The following ZNF385D variants were observed in gnomAD, a reference collection of about 807,000 sequenced individuals.
ZNF385D encodes zinc finger protein 659.
In ZNF385D, 15 loss-of-function variants were observed where a neutral mutation model predicts 35.8. That is an observed-to-expected ratio of 0.42 (90% CI 0.28 to 0.64). ZNF385D has a LOEUF of 0.64. Among genes scored for constraint, ZNF385D ranks in the 30% least tolerant of loss-of-function variants. ZNF385D has a pLI of 0.23. For missense variants in ZNF385D, 474 were observed against 494.6 expected (o/e 0.96, Z 0.39); for synonymous variants, 212 against 186.8 (o/e 1.13, Z -1.10).
At chr3:22,338,668 AGTT>A (rs991181573) in intron 2 of ZNF385D, among the ~76,000 whole-genome samples, 2 of 151,564 alleles carry the variant, frequency 1.3e-5, no homozygotes, top group African/African-American at 4.9e-5. Flanking sequence ...AAAAAAGTAA[AGTT>A]AATGTGCAGC....
intron 2 of ZNF385D, among the ~76,000 whole-genome samples, chr3:22,309,536 A>G (rs974907027): frequency 6.6e-6 from 1 of 152,092 alleles, no homozygotes; most frequent in African/African-American, 2.4e-5. Context: ...CTATTTAAAT[A>G]TATAAGAAAA....
chr3:22,331,470 A>G (rs1285915952), intron 2 of ZNF385D, among the ~76,000 whole-genome samples: 1 of 152,208 alleles, frequency 6.6e-6, no homozygotes, highest in Admixed American at 6.5e-5. Flanking sequence ...TGACCATAAC[A>G]TTAATGAAAA....
chr3:21,717,072 G>T (rs575573081), intron 1 of ZNF385D, among the ~76,000 whole-genome samples: 1 of 152,192 alleles, frequency 6.6e-6, no homozygotes, highest in African/African-American at 2.4e-5. Context: ...GGTGGAGGTT[G>T]CAGAGAGCCA....
intron 2 of ZNF385D, among the ~76,000 whole-genome samples, chr3:21,620,790 G>T (rs2064982925): frequency 1.3e-5 from 2 of 152,094 alleles, no homozygotes; most frequent in African/African-American, 4.8e-5. Context: ...TTCAGTAAGA[G>T]GCATTTTCCA....
chr3:21,726,863 A>G (rs781291199), intron 1 of ZNF385D, among the ~76,000 whole-genome samples: 39 of 152,186 alleles, frequency 2.6e-4, no homozygotes, highest in Admixed American at 7.9e-4. Context: ...CGCATAGCCA[A>G]GAGAATTCTA....
intron 3 of ZNF385D, among the ~76,000 whole-genome samples, chr3:21,972,730 G>A (rs1223108572): frequency 6.6e-6 from 1 of 151,792 alleles, no homozygotes; most frequent in African/African-American, 2.4e-5. Flanking sequence ...CAATGTTAGA[G>A]ATGAAAAAGG....
intron 2 of ZNF385D, among the ~76,000 whole-genome samples, chr3:21,569,541 T>TG (rs1476470486): frequency 6.6e-6 from 1 of 151,058 alleles, no homozygotes; most frequent in African/African-American, 2.5e-5. Flanking sequence ...GTCTTTTAAT[T>TG]GGAGCATTTA....
At chr3:21,847,341 C>CA (rs1559685732) in intron 3 of ZNF385D, among the ~76,000 whole-genome samples, 4 of 151,656 alleles carry the variant, frequency 2.6e-5, no homozygotes, top group African/African-American at 9.7e-5. Flanking sequence ...GAAAATGTGA[C>CA]AAAAAAGAGG....
chr3:22,113,672 G>C (rs1702655723), intron 3 of ZNF385D, among the ~76,000 whole-genome samples: 1 of 152,052 alleles, frequency 6.6e-6, no homozygotes, highest in Admixed American at 6.6e-5. Context: ...GAGTGTCTTA[G>C]AAGCCAGGGA....
chr3:22,105,793 C>T (rs572846452), intron 3 of ZNF385D, among the ~76,000 whole-genome samples: 2 of 152,240 alleles, frequency 1.3e-5, no homozygotes, highest in South Asian at 2.1e-4. Context: ...TCCAAAGGTG[C>T]TGTTTTTGAG....
intron 3 of ZNF385D, among the ~76,000 whole-genome samples, chr3:21,835,002 T>C (rs1472707384): frequency 2.0e-5 from 3 of 152,094 alleles, no homozygotes; most frequent in African/African-American, 7.2e-5. Context: ...TTTATAACAG[T>C]GTGGAAATTG....
intron 3 of ZNF385D, among the ~76,000 whole-genome samples, chr3:21,855,915 T>A (rs1374211824): frequency 6.6e-6 from 1 of 152,030 alleles, no homozygotes; most frequent in Non-Finnish European, 1.5e-5. Context: ...AGGTGGTAGC[T>A]AATAACAACA....
intron 3 of ZNF385D, among the ~76,000 whole-genome samples, chr3:21,814,830 G>C (rs886677621): frequency 4.6e-5 from 7 of 152,142 alleles, no homozygotes; most frequent in Non-Finnish European, 1.0e-4. Flanking sequence ...GCACCAAACA[G>C]ACCTAATAGA....
chr3:21,882,699 C>G (rs259554), intron 3 of ZNF385D, among the ~76,000 whole-genome samples: 81,670 of 151,704 alleles, frequency 0.54, 22,048 homozygotes, highest in South Asian at 0.71. Flanking sequence ...GCAATGCTCC[C>G]GATTCTCAAA....
chr3:22,080,180 T>C (rs1700676745), intron 3 of ZNF385D, among the ~76,000 whole-genome samples: 1 of 152,140 alleles, frequency 6.6e-6, no homozygotes, highest in African/African-American at 2.4e-5. Flanking sequence ...ATATGGGTCC[T>C]GAAAGATAAT....
chr3:21,699,858 G>T (rs2067613181), intron 1 of ZNF385D, among the ~76,000 whole-genome samples: 2 of 118,898 alleles, frequency 1.7e-5, no homozygotes, highest in South Asian at 2.9e-4. Context: ...TGAGACAAGA[G>T]TCTTGCTCTG....
chr3:21,945,904 A>G (rs1419929836), intron 3 of ZNF385D, among the ~76,000 whole-genome samples: 1 of 152,212 alleles, frequency 6.6e-6, no homozygotes, highest in African/African-American at 2.4e-5. Context: ...AATAAGTCTT[A>G]CATTTTGAGT....
At chr3:22,175,700 G>A (rs1221384281) in intron 2 of ZNF385D, among the ~76,000 whole-genome samples, 1 of 151,544 alleles carries the variant, frequency 6.6e-6, no homozygotes, top group Non-Finnish European at 1.5e-5. Flanking sequence ...AGGATTTAGA[G>A]AGTATTGCTT....
At chr3:21,693,192 T>C (rs1027884226) in intron 1 of ZNF385D, among the ~76,000 whole-genome samples, 6 of 152,236 alleles carry the variant, frequency 3.9e-5, no homozygotes, top group African/African-American at 1.4e-4. Flanking sequence ...ATGTGCAAAT[T>C]TGGATATATT....
Sources: gnomAD v4.1 joint callset for allele counts (sites outside exome capture counted in the v4.1 genomes callset) on GRCh38, gnomAD v4.1.1 for gene constraint, MANE v1.5 for transcripts, NCBI Gene and HGNC (gene_info 2026-07-23, HGNC 2026-07-21) for gene names.